Variants in TRIP4 observed in about 807,000 individuals in gnomAD.
TRIP4 encodes the protein activating signal cointegrator 1.
TRIP4 carries 54 observed loss-of-function variants against 81.8 expected under a neutral mutation model. The ratio of observed to expected loss-of-function variants is 0.66; its 90% CI spans 0.53 to 0.83. The LOEUF (loss-of-function observed/expected upper bound fraction) is 0.83, where lower values mean the gene tolerates loss of function less well. Among genes scored for constraint, TRIP4 ranks in the 40% least tolerant of loss-of-function variants. The pLI, the probability that TRIP4 is intolerant of heterozygous loss-of-function variation, is 0.00. For synonymous variants in TRIP4, 270 were observed against 242.8 expected (o/e 1.11, Z -1.04); for missense variants, 662 against 683.6 (o/e 0.97, Z 0.35).
At chr15:64,445,429 A>T (rs1394500315) in intron 12 of TRIP4, among the ~76,000 whole-genome samples, 1 of 150,224 alleles carries the variant, frequency 6.7e-6, no homozygotes, top group African/African-American at 2.5e-5. Context: ...GATCGAGACC[A>T]TCCCGGCCAA....
intron 11 of TRIP4, among the ~76,000 whole-genome samples, chr15:64,431,267 C>T (rs538357111): frequency 6.6e-5 from 10 of 152,074 alleles, no homozygotes; most frequent in Middle Eastern, 3.4e-3. Context: ...ACAGCCCTCA[C>T]GATGAGGGCT....
intron 4 of TRIP4, among the ~76,000 whole-genome samples, chr15:64,399,861 G>T (rs1891448858): frequency 6.6e-6 from 1 of 151,624 alleles, no homozygotes; most frequent in African/African-American, 2.4e-5. Context: ...TGTAATCCCA[G>T]CACTTTGGAA....
At chr15:64,454,448 G>A (rs370783805) in intron 12 of TRIP4, among the ~76,000 whole-genome samples, 19 of 152,144 alleles carry the variant, frequency 1.2e-4, no homozygotes, top group African/African-American at 4.3e-4. Flanking sequence ...GAGTCATATA[G>A]CCTATGACCT....
At chr15:64,412,781 C>T (rs574617248) in intron 7 of TRIP4, among the ~76,000 whole-genome samples, 11 of 152,112 alleles carry the variant, frequency 7.2e-5, no homozygotes, top group African/African-American at 1.2e-4. Context: ...AATAGAGTAG[C>T]AAGTACTGTA....
At chr15:64,410,334 T>A (rs545373179) in intron 7 of TRIP4, among the ~76,000 whole-genome samples, 77 of 152,100 alleles carry the variant, frequency 5.1e-4, no homozygotes, top group African/African-American at 1.8e-3. Context: ...CAAAAAAAAG[T>A]TTTTAAAACA....
At chr15:64,388,067 T>G in intron 1 of TRIP4, 103 bp downstream of exon 1, 1 of 1,428,604 alleles carries the variant, frequency 7.0e-7, no homozygotes, top group South Asian at 1.5e-5. Flanking sequence ...AGAAATGTGA[T>G]AAAGGGGCTG....
chr15:64,393,317 T>A (rs1446922172), intron 1 of TRIP4: 1 of 120,256 alleles, frequency 8.3e-6, no homozygotes, highest in African/African-American at 2.7e-5. Flanking sequence ...ACCCGCCTAA[T>A]TTTTTTTTGT....
chr15:64,431,266 AC>A (rs781348089), intron 11 of TRIP4, among the ~76,000 whole-genome samples: 3 of 152,090 alleles, frequency 2.0e-5, no homozygotes, highest in Non-Finnish European at 2.9e-5. Context: ...AACAGCCCTC[AC>A]GATGAGGGCT....
chr15:64,393,744 T>C, intron 1 of TRIP4: 2 of 381,262 alleles, frequency 5.2e-6, no homozygotes, highest in Non-Finnish European at 4.5e-6. Flanking sequence ...CGTTGTTTTT[T>C]TCCTACACAT....
chr15:64,396,624 C>T (rs1223177622), intron 3 of TRIP4, among the ~76,000 whole-genome samples: 2 of 152,178 alleles, frequency 1.3e-5, no homozygotes, highest in Non-Finnish European at 2.9e-5. Context: ...CTACTCTGGG[C>T]AGCTATACTT....
chr15:64,398,628 A>G (rs1279038815), intron 4 of TRIP4, among the ~76,000 whole-genome samples: 1 of 151,998 alleles, frequency 6.6e-6, no homozygotes, highest in African/African-American at 2.4e-5. Flanking sequence ...GCCATTAATG[A>G]GAAGGGTTTG....
chr15:64,428,345 G>A (rs1050266776), intron 11 of TRIP4, among the ~76,000 whole-genome samples: 8 of 152,146 alleles, frequency 5.3e-5, no homozygotes, highest in African/African-American at 1.7e-4. Context: ...AACAAGTCTT[G>A]TTGATTTCTG....
chr15:64,448,870 C>T (rs910903668), intron 12 of TRIP4, among the ~76,000 whole-genome samples: 2 of 152,048 alleles, frequency 1.3e-5, no homozygotes, highest in African/African-American at 4.8e-5. Flanking sequence ...ATCACACTTT[C>T]CCCTAGATAT....
intron 11 of TRIP4, among the ~76,000 whole-genome samples, chr15:64,438,686 G>A (rs112354707): frequency 1.3e-5 from 2 of 152,186 alleles, no homozygotes; most frequent in African/African-American, 4.8e-5. Context: ...TCATGAGTGG[G>A]TGATTCCCAG....
Position 64,425,645 on chromosome 15 carries a change from A to AC in TRIP4, c.1575+15dup. On this transcript the variant is annotated intron_variant, in intron 11 of 12. Transcript: ENST00000261884. ...TTTAAGGAGCAGGTGAGTAAAGAAT[A>AC]CTTTTTTTTTTTAGAGACAGGGTTT... is the stretch of plus-strand genomic sequence containing the variant. The AC allele has an allele frequency of 6.3e-7, 1 of 1,588,696 alleles. No individual in the cohort carries two copies. Among genetic ancestry groups the AC allele is most frequent in the East Asian group, 2.3e-5 (1 of 44,132 alleles).
chr15:64,433,533 G>C (rs1250161066), intron 11 of TRIP4, among the ~76,000 whole-genome samples: 1 of 152,152 alleles, frequency 6.6e-6, no homozygotes, highest in Non-Finnish European at 1.5e-5. Context: ...GAACCCAGGA[G>C]GCAGAGGCTG....
chr15:64,425,426 C>T, intron 10 of TRIP4, 114 bp from the exon 11 acceptor site: 1 of 959,202 alleles, frequency 1.0e-6, no homozygotes, highest in East Asian at 2.6e-5. Flanking sequence ...CTTATGTCTA[C>T]AAATAGATAA....
chr15:64,422,086 C>T (rs1013035042), intron 9 of TRIP4, among the ~76,000 whole-genome samples: 1 of 151,556 alleles, frequency 6.6e-6, no homozygotes, highest in Admixed American at 6.6e-5. Context: ...GTAGGTTATA[C>T]TATCTAGGTT....
intron 4 of TRIP4, among the ~76,000 whole-genome samples, chr15:64,399,973 C>CAAA (rs777165797): frequency 1.1e-5 from 1 of 87,554 alleles, no homozygotes; most frequent in African/African-American, 4.4e-5. Context: ...ACACCCTGCT[C>CAAA]AAAAAAAAAA....
Sources: gnomAD v4.1 joint callset for allele counts (sites outside exome capture counted in the v4.1 genomes callset) on GRCh38, gnomAD v4.1.1 for gene constraint, MANE v1.5 for transcripts, NCBI Gene and HGNC (gene_info 2026-07-23, HGNC 2026-07-21) for gene names.